COL19A1: variants seen among roughly 807,000 people sequenced by gnomAD.
The protein encoded by COL19A1 is collagen type XIX alpha 1 chain, also known as collagen alpha-1(XIX) chain.
In COL19A1, 159 loss-of-function variants were observed where a neutral mutation model predicts 190.2. The observed-to-expected ratio is 0.84, with a 90% CI of 0.73 to 0.95. COL19A1 has a LOEUF of 0.95. Ranked by LOEUF, COL19A1 falls within the 40% of genes least tolerant of loss-of-function variation. The pLI is 0.00. For missense variants in COL19A1, 1,418 were observed against 1,431.9 expected (o/e 0.99, Z 0.16); for synonymous variants, 509 against 458.9 (o/e 1.11, Z -1.39).
intron 9 of COL19A1, among the ~76,000 whole-genome samples, chr6:69,955,256 C>A (rs990876943): frequency 6.6e-6 from 1 of 152,086 alleles, no homozygotes; most frequent in African/African-American, 2.4e-5. Context: ...GCTTAATTCT[C>A]TAGCTTTGCT....
intron 18 of COL19A1, among the ~76,000 whole-genome samples, chr6:70,131,667 AG>A (rs1785531723): frequency 6.6e-6 from 1 of 151,856 alleles, no homozygotes; most frequent in African/African-American, 2.4e-5. Flanking sequence ...ATGCAGGCTA[AG>A]GGGAAAAAAA....
At chr6:70,180,404 C>T in intron 43 of COL19A1, 48 bp downstream of exon 43, 2 of 1,613,860 alleles carry the variant, frequency 1.2e-6, no homozygotes, top group Non-Finnish European at 1.7e-6. Context: ...GTTGTACTTG[C>T]ATGCAGTTTT....
chr6:69,966,009 C>T (rs925506454), intron 11 of COL19A1, among the ~76,000 whole-genome samples: 16 of 152,184 alleles, frequency 1.1e-4, no homozygotes, highest in South Asian at 2.1e-4. Flanking sequence ...AAACAAAATA[C>T]GGAGTTCAAT....
chr6:69,932,290 G>A (rs1031147276), intron 6 of COL19A1, among the ~76,000 whole-genome samples: 1 of 151,938 alleles, frequency 6.6e-6, no homozygotes, highest in African/African-American at 2.4e-5. Context: ...CAGAATTCGT[G>A]AAATATAGAT....
chr6:69,924,469 A>T (rs1772218971), intron 4 of COL19A1, among the ~76,000 whole-genome samples: 1 of 152,154 alleles, frequency 6.6e-6, no homozygotes, highest in Non-Finnish European at 1.5e-5. Context: ...TCCATGGTGT[A>T]TATGTGCCAC....
chr6:69,910,013 G>C (rs1343041397), intron 4 of COL19A1, among the ~76,000 whole-genome samples: 1 of 152,088 alleles, frequency 6.6e-6, no homozygotes, highest in Non-Finnish European at 1.5e-5. Flanking sequence ...ACACACAGTG[G>C]TGTTTAGTGC....
At chr6:70,097,700 A>G (rs1783370179) in intron 15 of COL19A1, among the ~76,000 whole-genome samples, 1 of 152,176 alleles carries the variant, frequency 6.6e-6, no homozygotes, top group African/African-American at 2.4e-5. Flanking sequence ...GAGCACTTTC[A>G]GGTTTCCAGG....
At chr6:70,159,423 TAC>T (rs146845787) in intron 34 of COL19A1, among the ~76,000 whole-genome samples, 52 of 148,120 alleles carry the variant, frequency 3.5e-4, no homozygotes, top group Non-Finnish European at 4.4e-4. Flanking sequence ...CACATACACA[TAC>T]ACACACACAC....
At chr6:70,133,730 T>A (rs963586423) in intron 18 of COL19A1, among the ~76,000 whole-genome samples, 2 of 152,194 alleles carry the variant, frequency 1.3e-5, no homozygotes, top group Admixed American at 6.5e-5. Flanking sequence ...CTTCATCACT[T>A]GTGTTTCAAC....
chr6:69,954,284 G>A (rs1774286888), intron 9 of COL19A1, among the ~76,000 whole-genome samples: 1 of 151,938 alleles, frequency 6.6e-6, no homozygotes. Flanking sequence ...GCTAAAATGT[G>A]AGCTCCTGGA....
At chr6:70,103,369 A>G (rs1212112265) in intron 16 of COL19A1, among the ~76,000 whole-genome samples, 2 of 152,110 alleles carry the variant, frequency 1.3e-5, no homozygotes, top group Non-Finnish European at 2.9e-5. Flanking sequence ...TACCTTCTCC[A>G]AGTGGAGCAA....
chr6:70,135,624 A>G (rs1785816467), intron 18 of COL19A1, among the ~76,000 whole-genome samples: 1 of 152,170 alleles, frequency 6.6e-6, no homozygotes, highest in South Asian at 2.1e-4. Context: ...AGCTTTTCAG[A>G]AAAGAAAGAT....
rs7742627 is a variant in COL19A1 at position 69,962,935 on chromosome 6, A to G, written c.1026+65A>G. ...TTGTTCTTGAAAATGTTTTGAAATA[A>G]AATATTTAACTTGTTTTGTGCATTC... is the stretch of plus-strand genomic sequence containing the variant. On this transcript the variant is annotated intron_variant, in intron 11 of 50. Coordinates refer to ENST00000620364, the MANE Select transcript of COL19A1 (RefSeq NM_001858.6). The G allele has an allele frequency of 0.12, 169,073 of 1,358,622 alleles. 17,926 individuals carry two copies. Among genetic ancestry groups the G allele is most frequent in the African/African-American group, 0.51 (34,647 of 68,392 alleles). 84.2% of individuals were successfully genotyped at this position (1,358,622 alleles called of 1,614,324 possible). A position where few individuals can be genotyped will look rare whatever the true frequency, so the allele number is the denominator to read the frequency against.
At chr6:69,898,389 T>C (rs1769933440) in intron 2 of COL19A1, among the ~76,000 whole-genome samples, 1 of 152,216 alleles carries the variant, frequency 6.6e-6, no homozygotes, top group South Asian at 2.1e-4. Context: ...TTTTATTTCT[T>C]TGAATATCAC....
intron 11 of COL19A1, among the ~76,000 whole-genome samples, chr6:69,967,604 TAAAA>T (rs1325250020): frequency 6.6e-6 from 1 of 152,218 alleles, no homozygotes; most frequent in African/African-American, 2.4e-5. Flanking sequence ...ACTCATCTCT[TAAAA>T]CCATTGTTGG....
intron 9 of COL19A1, among the ~76,000 whole-genome samples, chr6:69,951,441 G>T (rs1309254040): frequency 6.6e-6 from 1 of 151,868 alleles, no homozygotes; most frequent in Non-Finnish European, 1.5e-5. Flanking sequence ...GACCAGATTA[G>T]AACTTATTTG....
At chr6:70,008,748 T>A (rs1312949335) in intron 11 of COL19A1, among the ~76,000 whole-genome samples, 2 of 151,778 alleles carry the variant, frequency 1.3e-5, no homozygotes, top group Non-Finnish European at 3.0e-5. Context: ...GGCCAATATC[T>A]CTCATAAAGA....
At chr6:70,121,978 A>G (rs776246340) in intron 17 of COL19A1, 36 bp downstream of exon 17, 12 of 1,350,624 alleles carry the variant, frequency 8.9e-6, no homozygotes, top group South Asian at 2.7e-5. Flanking sequence ...TATAATACAT[A>G]GAAATTTTAT....
intron 11 of COL19A1, among the ~76,000 whole-genome samples, chr6:69,970,253 A>G (rs896064131): frequency 7.9e-5 from 12 of 152,194 alleles, no homozygotes; most frequent in African/African-American, 2.7e-4. Context: ...TCCTTCTCCC[A>G]TGGCCTAAAA....
Sources: allele counts gnomAD v4.1 joint callset (sites outside exome capture counted in the v4.1 genomes callset), GRCh38; gene constraint gnomAD v4.1.1; transcripts MANE v1.5; gene names NCBI Gene and HGNC (gene_info 2026-07-23, HGNC 2026-07-21).